DPYSL2: variants seen among roughly 807,000 people sequenced by gnomAD.
DPYSL2 encodes the protein dihydropyrimidinase-related protein 2.
DPYSL2 carries 13 observed loss-of-function variants against 69.9 expected under a neutral mutation model. The ratio of observed to expected loss-of-function variants is 0.19; its 90% CI spans 0.12 to 0.30. DPYSL2 has a LOEUF of 0.30. Among genes scored for constraint, DPYSL2 ranks in the 10% least tolerant of loss-of-function variants. The pLI, the probability that DPYSL2 is intolerant of heterozygous loss-of-function variation, is 1.00. For missense variants in DPYSL2, 587 were observed against 918.9 expected, an observed-to-expected ratio of 0.64 and a Z score of 4.67; for synonymous variants, 326 against 359.1, an observed-to-expected ratio of 0.91 and a Z score of 1.04.
In DPYSL2 at chr8:26,642,043, C is replaced by T. The variant is rs1487568568; in HGVS notation, c.1127-1396C>T. Among the ~76,000 whole-genome samples the T allele has an allele frequency of 1.3e-5, 2 of 152,192 alleles. No individual in the cohort carries two copies. Among genetic ancestry groups the T allele is most frequent in the Non-Finnish European group, 2.9e-5 (2 of 68,042 alleles). ...TTGGGGAAGTAGAGAAGCTTGGCTG[C>T]ATTGTTGTGGGGTGGGAGTTAGCCC... On this transcript the variant is annotated intron_variant, in intron 8 of 13. Coordinates refer to ENST00000521913, the MANE Select transcript of DPYSL2 (RefSeq NM_001197293.3). The surrounding 1 kb of genome is among the most constrained non-coding windows in gnomAD (Gnocchi z 5.3).
intron 1 of DPYSL2, among the ~76,000 whole-genome samples, chr8:26,555,749 G>C (rs1227673667): frequency 6.6e-6 from 1 of 150,538 alleles, no homozygotes; most frequent in African/African-American, 2.4e-5. Flanking sequence ...TAGCTTGGTT[G>C]GGGGGCGTGC....
In DPYSL2 at chr8:26,643,937, A is replaced by G. The variant is rs113509705; in HGVS notation, c.1284-13A>G. 22 of 1,612,888 alleles carry G rather than the reference A, an allele frequency of 1.4e-5. No homozygotes were observed. In the East Asian group the frequency reaches 4.7e-4, roughly 34 times the overall value. ...ACGAAGCTGCAGCACCACGTTATGC[A>G]TTTTCTTTGCAGTGGAGACCTCCAG... is the stretch of plus-strand genomic sequence containing the variant. On this transcript the variant is annotated splice_polypyrimidine_tract_variant and intron_variant, in intron 9 of 13. Coordinates refer to ENST00000521913, the MANE Select transcript of DPYSL2 (RefSeq NM_001197293.3). The surrounding 1 kb of genome is among the most constrained non-coding windows in gnomAD (Gnocchi z 6.5).
At chr8:26,623,848 CGTT>C (rs779474721) in intron 3 of DPYSL2, 6 of 335,572 alleles carry the variant, frequency 1.8e-5, no homozygotes, top group Non-Finnish European at 3.3e-5. Flanking sequence ...CATAAGGACT[CGTT>C]GTCCGTGAAA....
intron 1 of DPYSL2, among the ~76,000 whole-genome samples, chr8:26,558,239 A>T (rs1409211964): frequency 6.6e-6 from 1 of 152,214 alleles, no homozygotes; most frequent in Non-Finnish European, 1.5e-5. Context: ...GTACATTCAG[A>T]CACTGGAATA....
intron 1 of DPYSL2, chr8:26,577,720 G>A (rs1228543347): frequency 2.9e-5 from 24 of 814,332 alleles, no homozygotes; most frequent in African/African-American, 5.6e-5. Flanking sequence ...GCGCGCGAAA[G>A]GCGCGCTCCC....
At chr8:26,542,555 C>T (rs573243181) in intron 1 of DPYSL2, among the ~76,000 whole-genome samples, 11 of 151,748 alleles carry the variant, frequency 7.2e-5, no homozygotes, top group Non-Finnish European at 1.2e-4. Context: ...CTGAGTAGTT[C>T]GGGCTACAGG....
intron 1 of DPYSL2, among the ~76,000 whole-genome samples, chr8:26,534,615 G>A (rs1800562525): frequency 6.6e-6 from 1 of 151,890 alleles, no homozygotes; most frequent in South Asian, 2.1e-4. Flanking sequence ...AGGACACACT[G>A]TATTTTTTTA....
chr8:26,515,105 G>A (rs942556651), intron 1 of DPYSL2, among the ~76,000 whole-genome samples: 9 of 152,228 alleles, frequency 5.9e-5, no homozygotes, highest in Admixed American at 1.3e-4. Context: ...GAAGGCCCGC[G>A]GCTCCCCGGT....
chr8:26,516,205 A>G lies in DPYSL2; in HGVS notation c.354+1526A>G, dbSNP rs1288677171. 6.6e-6 allele frequency among the ~76,000 whole-genome samples: 1 copy of G among 152,256 alleles called. No individual in the cohort carries two copies. Among genetic ancestry groups the G allele is most frequent in the African/African-American group, 2.4e-5 (1 of 41,460 alleles). On this transcript the variant is annotated intron_variant, in intron 1 of 13. Coordinates refer to ENST00000521913, the MANE Select transcript of DPYSL2 (RefSeq NM_001197293.3). This position sits in a 1 kb window ranked among gnomAD's most constrained non-coding sequence, Gnocchi z 4.8. ...ATCCATATTTCACTATGAGTCAACC[A>G]GAAGAAACTAAATCCAAAAAACTTG...
intron 1 of DPYSL2, among the ~76,000 whole-genome samples, chr8:26,567,084 A>ACATC (rs1395695731): frequency 4.0e-5 from 6 of 149,518 alleles, no homozygotes; most frequent in African/African-American, 7.4e-5. Flanking sequence ...GTCCACCCAC[A>ACATC]CATCCATCCA....
intron 1 of DPYSL2, among the ~76,000 whole-genome samples, chr8:26,527,021 T>C (rs1260667067): frequency 6.6e-6 from 1 of 152,232 alleles, no homozygotes; most frequent in Non-Finnish European, 1.5e-5. Context: ...CAGTGATCAC[T>C]CCTATTAGTT....
intron 1 of DPYSL2, among the ~76,000 whole-genome samples, chr8:26,566,262 G>A (rs1454115996): frequency 6.6e-6 from 1 of 152,122 alleles, no homozygotes; most frequent in Non-Finnish European, 1.5e-5. Context: ...GAGGACCCGG[G>A]GTATGAACAG....
In DPYSL2 at chr8:26,627,202, G is replaced by T; in HGVS notation, c.856-13G>T. 1 of 1,613,122 alleles carries T rather than the reference G, an allele frequency of 6.2e-7. No homozygotes were observed. The highest frequency in any genetic ancestry group is 1.1e-5 in the South Asian group (1 of 91,052). ...AGTCCCTGTCTCTGATCCCACCCTT[G>T]TCTCTCTCTCAGATTTATGAAGTAC... On this transcript the variant is annotated splice_polypyrimidine_tract_variant and intron_variant, in intron 5 of 13. Transcript: ENST00000521913. The surrounding 1 kb of genome is among the most constrained non-coding windows in gnomAD (Gnocchi z 6.9).
At position 26,653,061 on chromosome 8, in the gene DPYSL2, A is replaced by C. The variant is rs1803310452; in HGVS notation, c.1777-171A>C. On this transcript the variant is annotated intron_variant, in intron 12 of 13. Coordinates refer to ENST00000521913, the MANE Select transcript of DPYSL2 (RefSeq NM_001197293.3). The surrounding 1 kb of genome is among the most constrained non-coding windows in gnomAD (Gnocchi z 5.7). ...TAACCAGTTACTGGACCTTGTGGGG[A>C]GTTTTGGCCTGGCATGGTGGGAGCT... 6.6e-6 allele frequency among the ~76,000 whole-genome samples: 1 copy of C among 151,976 alleles called. No individual in the cohort carries two copies. The highest frequency in any genetic ancestry group is 2.4e-5 in the African/African-American group (1 of 41,366).
At position 26,624,803 on chromosome 8, in the gene DPYSL2, C is replaced by T. The variant is rs1802579709; in HGVS notation, c.793+496C>T. Reference sequence around the variant, plus strand: ...CAACCTGAGAGGGCTTTTCCTTTCCCTAGAATTATTTTGGAGAACAAATTT... The same window carrying T: ...CAACCTGAGAGGGCTTTTCCTTTCCTTAGAATTATTTTGGAGAACAAATTT... On this transcript the variant is annotated intron_variant, in intron 4 of 13. Coordinates refer to ENST00000521913, the MANE Select transcript of DPYSL2 (RefSeq NM_001197293.3). The surrounding 1 kb of genome is among the most constrained non-coding windows in gnomAD (Gnocchi z 4.7). Among the ~76,000 whole-genome samples, 1 of 152,104 alleles carries T rather than the reference C, an allele frequency of 6.6e-6. No homozygotes were observed. Among genetic ancestry groups the T allele is most frequent in the South Asian group, 2.1e-4 (1 of 4,830 alleles).
intron 1 of DPYSL2, among the ~76,000 whole-genome samples, chr8:26,572,487 A>C (rs899406059): frequency 6.6e-6 from 1 of 152,168 alleles, no homozygotes; most frequent in African/African-American, 2.4e-5. Flanking sequence ...TGTAAGGATA[A>C]GGAATGAGTA....
intron 1 of DPYSL2, among the ~76,000 whole-genome samples, chr8:26,556,380 A>ATATATATATAG: frequency 2.0e-5 from 2 of 98,756 alleles, no homozygotes; most frequent in Non-Finnish European, 3.9e-5. Flanking sequence ...TATATATAGT[A>ATATATATATAG]TATACACACA....
intron 1 of DPYSL2, among the ~76,000 whole-genome samples, chr8:26,534,286 T>A (rs931670825): frequency 3.9e-5 from 6 of 152,154 alleles, no homozygotes; most frequent in African/African-American, 1.2e-4. Context: ...GCTCAAGTGA[T>A]CCTCCCACCT....
intron 1 of DPYSL2, among the ~76,000 whole-genome samples, chr8:26,567,279 A>AT (rs1585513234): frequency 1.2e-5 from 1 of 83,624 alleles, no homozygotes; most frequent in Non-Finnish European, 2.1e-5. Flanking sequence ...TTATCCACCT[A>AT]CCCATCCATC....
Sources: gnomAD v4.1 joint callset for allele counts (sites outside exome capture counted in the v4.1 genomes callset) on GRCh38, gnomAD v4.1.1 for gene constraint, Gnocchi (gnomAD v3.1) non-coding constraint, MANE v1.5 for transcripts, NCBI Gene and HGNC (gene_info 2026-07-23, HGNC 2026-07-21) for gene names.